The following PDE4DIP variants were observed in gnomAD, a reference collection of about 807,000 sequenced individuals.
PDE4DIP encodes phosphodiesterase 4D interacting protein.
PDE4DIP carries 59 observed loss-of-function variants against 221.4 expected under a neutral mutation model. The observed-to-expected ratio is 0.27, with a 90% CI of 0.22 to 0.33. PDE4DIP has a LOEUF of 0.33. PDE4DIP is among the 10% of genes least tolerant of loss of function. The pLI is 1.00. For synonymous variants in PDE4DIP, 404 were observed against 815.9 expected (o/e 0.50, Z 8.60); for missense variants, 1,036 against 2,154.2 (o/e 0.48, Z 10.28).
exon 28 of PDE4DIP, chr1:149,007,300 T>C (rs782283026): frequency 3.7e-6 from 6 of 1,605,822 alleles, no homozygotes; most frequent in Non-Finnish European, 5.1e-6. Context: ...TCACCCGGCA[T>C]GCAAAAGATA....
At chr1:148,828,903 G>C (rs1348784123) in intron 1 of PDE4DIP, among the ~76,000 whole-genome samples, 2 of 150,864 alleles carry the variant, frequency 1.3e-5, no homozygotes, top group African/African-American at 4.8e-5. Context: ...ACACACACAC[G>C]GTTCACAGTA....
intron 23 of PDE4DIP, among the ~76,000 whole-genome samples, chr1:148,999,998 C>T (rs1245970266): frequency 3.3e-5 from 5 of 151,834 alleles, no homozygotes; most frequent in South Asian, 2.1e-4. Flanking sequence ...CATGCGCCCT[C>T]TTTATCCCCT....
At chr1:149,023,762 GTACA>G (rs2074057476) in intron 37 of PDE4DIP, among the ~76,000 whole-genome samples, 1 of 106,502 alleles carries the variant, frequency 9.4e-6, no homozygotes, top group Non-Finnish European at 1.9e-5. Context: ...ACATATATAT[GTACA>G]TGTATATGTG....
chr1:148,973,397 T>C (rs2059579353), intron 16 of PDE4DIP, among the ~76,000 whole-genome samples: 1 of 150,534 alleles, frequency 6.6e-6, no homozygotes, highest in Non-Finnish European at 1.5e-5. Context: ...CCCAAAGTAC[T>C]GAGATTACAG....
intron 37 of PDE4DIP, among the ~76,000 whole-genome samples, chr1:149,021,981 T>C (rs1426030576): frequency 6.7e-6 from 1 of 148,264 alleles, no homozygotes; most frequent in Non-Finnish European, 1.5e-5. Flanking sequence ...GACATCAATG[T>C]CGTGAAATTT....
intron 16 of PDE4DIP, among the ~76,000 whole-genome samples, chr1:148,973,490 G>A (rs587733818): frequency 6.6e-6 from 1 of 152,196 alleles, no homozygotes; most frequent in East Asian, 1.9e-4. Flanking sequence ...ATGTATGTGT[G>A]TATTTGTATA....
chr1:148,961,564 C>T (rs587739714), intron 6 of PDE4DIP, among the ~76,000 whole-genome samples: 13 of 152,282 alleles, frequency 8.5e-5, no homozygotes, highest in African/African-American at 3.1e-4. Flanking sequence ...CTACTTGGTC[C>T]ATGTGGACAA....
chr1:148,942,401 T>C (rs1553480565), intron 5 of PDE4DIP: 1 of 152,190 alleles, frequency 6.6e-6, no homozygotes, highest in Non-Finnish European at 1.5e-5. Flanking sequence ...ACAGTATTTA[T>C]GAACGTCTAT....
At chr1:148,933,433 T>C (rs2048509472) in intron 4 of PDE4DIP, among the ~76,000 whole-genome samples, 1 of 152,222 alleles carries the variant, frequency 6.6e-6, no homozygotes, top group Admixed American at 6.5e-5. Context: ...TGGGCAATTA[T>C]TGAGGTCACC....
chr1:148,951,090 CTTA>C (rs2053095394), intron 5 of PDE4DIP, among the ~76,000 whole-genome samples: 1 of 151,590 alleles, frequency 6.6e-6, no homozygotes, highest in African/African-American at 2.4e-5. Context: ...AGTTTGGGGG[CTTA>C]TTATGAACTC....
intron 1 of PDE4DIP, among the ~76,000 whole-genome samples, chr1:148,905,180 T>G (rs1398887491): frequency 3.4e-5 from 1 of 29,770 alleles, no homozygotes; most frequent in Non-Finnish European, 7.8e-5. Flanking sequence ...TCTTCTAGGT[T>G]TTTTTTTTTT....
rs868990834 is a variant in PDE4DIP, at chr1:148,920,202, C to T, written c.142-8995C>T. Among the ~76,000 whole-genome samples, 9 of 145,860 alleles carry T rather than the reference C, an allele frequency of 6.2e-5. No homozygotes were observed. In the East Asian group the frequency reaches 7.9e-4, roughly 13 times the overall value. Reference sequence around the variant, plus strand: ...GGCTGGAGTGCAGTGGCGCAATCTTCGCTCACCGAAACCTCCGCCTCCTGG... The same window carrying T: ...GGCTGGAGTGCAGTGGCGCAATCTTTGCTCACCGAAACCTCCGCCTCCTGG... On this transcript the variant is annotated intron_variant, in intron 1 of 43. Coordinates refer to ENST00000369354, the Ensembl canonical transcript of PDE4DIP.
intron 43 of PDE4DIP, 89 bp downstream of exon 46, chr1:149,030,367 C>T (rs2076392085): frequency 6.5e-7 from 1 of 1,544,982 alleles, no homozygotes; most frequent in African/African-American, 1.4e-5. Flanking sequence ...GACCCTTGGC[C>T]TGCTTTGGCC....
chr1:148,925,764 C>T (rs1415024452), intron 1 of PDE4DIP, among the ~76,000 whole-genome samples: 3 of 147,804 alleles, frequency 2.0e-5, no homozygotes, highest in African/African-American at 7.4e-5. Context: ...CAGAATCCCT[C>T]GTGAATACTT....
Position 148,978,060 on chromosome 1 carries a change from C to T in PDE4DIP, c.2436+7C>T, listed in dbSNP as rs1477602332. On this transcript the variant is annotated splice_region_variant and intron_variant, in intron 18 of 43. Coordinates refer to ENST00000369354, the Ensembl canonical transcript of PDE4DIP. ...TAAAGAAGATCTCATAAAGGTCTTT[C>T]AAAACTTTTTAAAGACCACTGGAAA... The T allele has an allele frequency of 6.2e-7, 1 of 1,609,800 alleles. No individual in the cohort carries two copies. The highest frequency in any genetic ancestry group is 8.5e-7 in the Non-Finnish European group (1 of 1,177,220).
Position 148,979,732 on chromosome 1 carries a change from C to T in PDE4DIP, c.2575-5C>T, listed in dbSNP as rs1553540524. On this transcript the variant is annotated splice_polypyrimidine_tract_variant and splice_region_variant and intron_variant, in intron 19 of 43. Transcript: ENST00000369354. ...CGTATTGCTTCCTCTCTCTTCTTTA[C>T]TCAGTTGCTGCTGATGCTAGAAGGA... 2.5e-6 allele frequency: 4 copies of T among 1,612,124 alleles called. No homozygotes were observed. The highest frequency in any genetic ancestry group is 4.5e-5 in the East Asian group (2 of 44,822).
intron 1 of PDE4DIP, among the ~76,000 whole-genome samples, chr1:148,907,077 AT>A (rs1413100316): frequency 6.6e-6 from 1 of 150,770 alleles, no homozygotes; most frequent in Non-Finnish European, 1.5e-5. Context: ...CAAAAAAACA[AT>A]AGTTACTTCT....
chr1:148,875,897 G>A (rs1553418163), intron 3 of PDE4DIP, among the ~76,000 whole-genome samples: 1 of 152,292 alleles, frequency 6.6e-6, no homozygotes, highest in South Asian at 2.1e-4. Flanking sequence ...CTGCACTCCA[G>A]CCTGGGCGAC....
At chr1:148,979,017 G>T in intron 19 of PDE4DIP, among the ~76,000 whole-genome samples, 1 of 146,400 alleles carries the variant, frequency 6.8e-6, no homozygotes, top group South Asian at 2.1e-4. Context: ...ATTTAACCAT[G>T]TTCAGATCTC....
Sources: allele counts gnomAD v4.1 joint callset (sites outside exome capture counted in the v4.1 genomes callset), GRCh38; gene constraint gnomAD v4.1.1; transcripts MANE v1.5; gene names NCBI Gene and HGNC (gene_info 2026-07-23, HGNC 2026-07-21).